The following CSMD3 variants were observed in gnomAD, a reference collection of about 807,000 sequenced individuals.
The protein encoded by CSMD3 is CUB and sushi domain-containing protein 3.
A neutral mutation model predicts 435.2 loss-of-function variants in CSMD3; 177 were observed. The observed-to-expected ratio is 0.41, with a 90% CI of 0.36 to 0.46. The LOEUF (loss-of-function observed/expected upper bound fraction) is 0.46, where lower values mean the gene tolerates loss of function less well. Among genes scored for constraint, CSMD3 ranks in the 20% least tolerant of loss-of-function variants. The pLI is 0.34. For missense variants in CSMD3, 4,265 were observed against 4,504.6 expected (o/e 0.95, Z 1.52); for synonymous variants, 1,656 against 1,520.5 (o/e 1.09, Z -2.07).
At chr8:112,596,993 AG>A (rs1831793481) in intron 22 of CSMD3, among the ~76,000 whole-genome samples, 1 of 152,214 alleles carries the variant, frequency 6.6e-6, no homozygotes, top group Admixed American at 6.5e-5. Flanking sequence ...AAAAGCTAGC[AG>A]AAAGCAAGAA....
chr8:113,025,949 G>A (rs1293223508), intron 5 of CSMD3, among the ~76,000 whole-genome samples: 1 of 152,244 alleles, frequency 6.6e-6, no homozygotes, highest in South Asian at 2.1e-4. Context: ...ACATCACGAT[G>A]GATAAACAAT....
At position 112,237,285 on chromosome 8, in the gene CSMD3, T is replaced by A. The variant is rs1404470256; in HGVS notation, c.10532A>T (p.Lys3511Ile). 1 of 1,613,376 alleles carries A rather than the reference T, an allele frequency of 6.2e-7. No homozygotes were observed. Among genetic ancestry groups the A allele is most frequent in the East Asian group, 2.2e-5 (1 of 44,800 alleles). The change falls in exon 67 of 71, where the codon AAA becomes ATA. Residue 3511 changes from lysine to isoleucine, a missense_variant. This residue lies in a region of CSMD3 where 3,255 missense variants were observed against 3,380.2 expected (regional missense o/e 0.96). Coordinates refer to ENST00000297405, the MANE Select transcript of CSMD3 (RefSeq NM_198123.2). ...WKGSYNFKGR[K>I]QPMTLTVTSF... ...AGTAACTGTTAAGGTCATGGGTTGT[T>A]TCCTTCCTTTGAAATTGTAAGAGCC...
intron 67 of CSMD3, among the ~76,000 whole-genome samples, chr8:112,236,256 A>G (rs1028075420): frequency 6.6e-6 from 1 of 151,840 alleles, no homozygotes; most frequent in African/African-American, 2.4e-5. Flanking sequence ...TACAGACAAG[A>G]ATTTTACAGT....
chr8:113,427,943 T>C (rs1449383600), intron 1 of CSMD3, among the ~76,000 whole-genome samples: 1 of 151,712 alleles, frequency 6.6e-6, no homozygotes, highest in African/African-American at 2.4e-5. Context: ...TAAATTTTAC[T>C]CAAGAGCCTC....
At chr8:112,745,192 A>G (rs117612461) in intron 13 of CSMD3, among the ~76,000 whole-genome samples, 3,446 of 152,116 alleles carry the variant, frequency 0.023, 54 homozygotes, top group Non-Finnish European at 0.034. Flanking sequence ...AACACTGTTG[A>G]GTGTTTTCTC....
chr8:112,277,190 A>G (rs1818149180), intron 59 of CSMD3, among the ~76,000 whole-genome samples: 1 of 151,936 alleles, frequency 6.6e-6, no homozygotes, highest in South Asian at 2.1e-4. Flanking sequence ...TTTATATTCT[A>G]TTTCCCTTTT....
intron 1 of CSMD3, among the ~76,000 whole-genome samples, chr8:113,371,059 C>T (rs1482364528): frequency 6.6e-6 from 1 of 151,996 alleles, no homozygotes; most frequent in Non-Finnish European, 1.5e-5. Context: ...ATACTCTCTA[C>T]TTTTGCATAT....
intron 32 of CSMD3, among the ~76,000 whole-genome samples, chr8:112,445,948 T>C (rs1317468700): frequency 1.3e-5 from 2 of 152,246 alleles, no homozygotes; most frequent in Admixed American, 6.5e-5. Flanking sequence ...AGTTCTTTTG[T>C]AAACAGAGCA....
intron 5 of CSMD3, among the ~76,000 whole-genome samples, chr8:113,077,785 T>C (rs988612505): frequency 6.6e-6 from 1 of 152,154 alleles, no homozygotes; most frequent in Admixed American, 6.5e-5. Flanking sequence ...AGGAGCATAA[T>C]TGATCTCAAA....
chr8:113,005,129 G>A (rs1159594263), intron 6 of CSMD3, among the ~76,000 whole-genome samples: 2 of 151,652 alleles, frequency 1.3e-5, no homozygotes, highest in East Asian at 3.9e-4. Context: ...GAGAGAGAGA[G>A]GATGACTAAA....
intron 1 of CSMD3, among the ~76,000 whole-genome samples, chr8:113,316,555 T>G (rs1218358521): frequency 3.5e-5 from 3 of 84,628 alleles, no homozygotes; most frequent in African/African-American, 1.6e-4. Flanking sequence ...TATATACTTT[T>G]TTTTTTTTTT....
At chr8:113,277,382 T>C (rs1250800739) in intron 3 of CSMD3, among the ~76,000 whole-genome samples, 1 of 151,952 alleles carries the variant, frequency 6.6e-6, no homozygotes, top group Non-Finnish European at 1.5e-5. Flanking sequence ...TAGAAAATAA[T>C]GTTCAAAACT....
At chr8:113,351,325 CA>C (rs1406506296) in intron 1 of CSMD3, among the ~76,000 whole-genome samples, 1 of 152,072 alleles carries the variant, frequency 6.6e-6, no homozygotes, top group African/African-American at 2.4e-5. Context: ...ACTAAAACCC[CA>C]AACAGTTAAA....
At chr8:112,752,014 G>A (rs752663661) in intron 13 of CSMD3, among the ~76,000 whole-genome samples, 2 of 151,480 alleles carry the variant, frequency 1.3e-5, no homozygotes, top group Non-Finnish European at 2.9e-5. Context: ...TCTTCCATTC[G>A]CCCTTAAAAC....
intron 3 of CSMD3, among the ~76,000 whole-genome samples, chr8:113,267,605 A>G (rs1242403303): frequency 1.3e-5 from 2 of 151,616 alleles, no homozygotes; most frequent in African/African-American, 4.8e-5. Context: ...TGAATGGGGA[A>G]GAAGGGGAGG....
chr8:112,775,780 T>A (rs532441290), intron 13 of CSMD3, among the ~76,000 whole-genome samples: 96 of 151,990 alleles, frequency 6.3e-4, no homozygotes, highest in Non-Finnish European at 1.1e-3. Context: ...TAAGCACCCA[T>A]TGTGTGTTTT....
intron 9 of CSMD3, among the ~76,000 whole-genome samples, chr8:112,947,208 T>A (rs2083639840): frequency 6.6e-6 from 1 of 151,736 alleles, no homozygotes; most frequent in African/African-American, 2.4e-5. Flanking sequence ...ATTTGATAGT[T>A]ATGTAAATTA....
In CSMD3 at chr8:112,259,667, T is replaced by G. The variant is rs1816194703; in HGVS notation, c.9862+3972A>C. On this transcript the variant is annotated intron_variant, in intron 61 of 70. Transcript: ENST00000297405. ...AGTATAATAATAGCACAAAAAACATTGGTTTACTGTGTTTAAATTTTCACT... is the reference window on the plus strand; with the variant it reads ...AGTATAATAATAGCACAAAAAACATGGGTTTACTGTGTTTAAATTTTCACT... Among the ~76,000 whole-genome samples, 2 of 152,052 alleles carry G rather than the reference T, an allele frequency of 1.3e-5. 1 individual carries two copies. Among genetic ancestry groups the G allele is most frequent in the South Asian group, 4.2e-4 (2 of 4,810 alleles).
intron 10 of CSMD3, among the ~76,000 whole-genome samples, chr8:112,878,022 A>G (rs1266849504): frequency 6.6e-6 from 1 of 152,110 alleles, no homozygotes; most frequent in African/African-American, 2.4e-5. Context: ...ATACTTCATG[A>G]GTAAACACCA....
Sources: gnomAD v4.1 joint callset for allele counts (sites outside exome capture counted in the v4.1 genomes callset) on GRCh38, gnomAD v4.1.1 for gene constraint, gnomAD v4.1.1 regional missense constraint, MANE v1.5 for transcripts, NCBI Gene and HGNC (gene_info 2026-07-23, HGNC 2026-07-21) for gene names.